CNTNAP2: variants seen among roughly 807,000 people sequenced by gnomAD.
The protein encoded by CNTNAP2 is contactin-associated protein-like 2.
A neutral mutation model predicts 155.2 loss-of-function variants in CNTNAP2; 98 were observed. The ratio of observed to expected loss-of-function variants is 0.63; its 90% CI spans 0.54 to 0.75. The LOEUF (loss-of-function observed/expected upper bound fraction) is 0.75. CNTNAP2 is among the 30% of genes least tolerant of loss of function. CNTNAP2 has a pLI of 0.00. For missense variants in CNTNAP2, 1,727 were observed against 1,688.1 expected (o/e 1.02, Z -0.40); for synonymous variants, 651 against 631.2 (o/e 1.03, Z -0.47).
In CNTNAP2 at chr7:146,774,362, C is replaced by A. The variant is rs778487279; in HGVS notation, c.189C>A (p.Ala63=). 2.5e-6 allele frequency: 4 copies of A among 1,613,498 alleles called. No homozygotes were observed. The Admixed American group carries it at 6.7e-5, about 27-fold the overall frequency. The stretch of plus-strand genomic sequence containing the variant: ...CTGGTAGCTATTCTCCCGGCTATGC[C>A]AAGATAAACAAGAGAGGAGGTAAGC... ...SISGSYSPGY[A]KINKRGGAGG... The change falls in exon 2 of 24, where the codon GCC becomes GCA. Residue 63 remains alanine, a synonymous_variant. Transcript: ENST00000361727.
intron 13 of CNTNAP2, among the ~76,000 whole-genome samples, chr7:147,697,147 C>G (rs761581171): frequency 6.6e-6 from 1 of 152,140 alleles, no homozygotes; most frequent in Non-Finnish European, 1.5e-5. Context: ...CACATTCAGT[C>G]TACTAATTAA....
Position 148,411,053 on chromosome 7 carries a change from G to A in CNTNAP2, c.3796+1582G>A, listed in dbSNP as rs143705385. On this transcript the variant is annotated intron_variant, in intron 23 of 23. Transcript: ENST00000361727. The stretch of plus-strand genomic sequence containing the variant: ...AATGTATCAGAAGATTTAACAAGCT[G>A]TAGCATCTAAAATATTCCAGTGTTT... Among the ~76,000 whole-genome samples, 553 of 152,224 alleles carry A rather than the reference G, an allele frequency of 3.6e-3. 4 individuals are homozygous for A. Among genetic ancestry groups the A allele is most frequent in the African/African-American group, 0.013 (525 of 41,522 alleles).
At chr7:147,070,593 A>G (rs1346660443) in intron 4 of CNTNAP2, among the ~76,000 whole-genome samples, 1 of 152,192 alleles carries the variant, frequency 6.6e-6, no homozygotes, top group African/African-American at 2.4e-5. Flanking sequence ...TTTGATTTCT[A>G]TATAGCCTAC....
At chr7:146,969,085 G>T (rs1361682260) in intron 3 of CNTNAP2, among the ~76,000 whole-genome samples, 3 of 150,222 alleles carry the variant, frequency 2.0e-5, no homozygotes, top group Non-Finnish European at 4.5e-5. Context: ...AGTCATTCAG[G>T]AGCAGGTTGT....
chr7:147,144,259 A>T (rs1457288852), intron 8 of CNTNAP2, among the ~76,000 whole-genome samples: 1 of 152,226 alleles, frequency 6.6e-6, no homozygotes, highest in Admixed American at 6.5e-5. Flanking sequence ...AGAAAAACAT[A>T]AACTTTAGAG....
intron 17 of CNTNAP2, among the ~76,000 whole-genome samples, chr7:148,158,047 C>G (rs1805437621): frequency 6.6e-6 from 1 of 152,062 alleles, no homozygotes; most frequent in African/African-American, 2.4e-5. Flanking sequence ...AGAACCATCT[C>G]CACCTACGAC....
intron 1 of CNTNAP2, among the ~76,000 whole-genome samples, chr7:146,315,387 A>G (rs1195531886): frequency 6.6e-6 from 1 of 152,124 alleles, no homozygotes; most frequent in African/African-American, 2.4e-5. Flanking sequence ...ACCCCTCAGG[A>G]AGAAGCTGGG....
chr7:148,045,067 C>T (rs142764806), intron 15 of CNTNAP2, among the ~76,000 whole-genome samples: 32 of 152,216 alleles, frequency 2.1e-4, no homozygotes, highest in African/African-American at 6.7e-4. Context: ...GTTAGGTTCG[C>T]GTGTGTTGCT....
chr7:146,352,756 T>G (rs1370646729), intron 1 of CNTNAP2, among the ~76,000 whole-genome samples: 1 of 117,762 alleles, frequency 8.5e-6, no homozygotes, highest in Non-Finnish European at 1.7e-5. Context: ...TTCTGTTTTT[T>G]TTTTTTTTTT....
At chr7:147,830,805 G>A (rs1008245828) in intron 13 of CNTNAP2, among the ~76,000 whole-genome samples, 7 of 152,168 alleles carry the variant, frequency 4.6e-5, no homozygotes, top group South Asian at 4.1e-4. Context: ...TGACTGCTAC[G>A]TTACTTTTTC....
chr7:147,080,690 A>C (rs926531042), intron 4 of CNTNAP2, among the ~76,000 whole-genome samples: 1 of 148,162 alleles, frequency 6.7e-6, no homozygotes, highest in Non-Finnish European at 1.5e-5. Context: ...ATATATATCT[A>C]TATATAAAAT....
At chr7:147,351,757 A>G (rs1020881944) in intron 9 of CNTNAP2, among the ~76,000 whole-genome samples, 3 of 151,852 alleles carry the variant, frequency 2.0e-5, no homozygotes, top group African/African-American at 7.2e-5. Context: ...GTTCTATCAC[A>G]AAGAATTATT....
chr7:147,020,150 A>G (rs1007598193), intron 3 of CNTNAP2, among the ~76,000 whole-genome samples: 21 of 152,184 alleles, frequency 1.4e-4, no homozygotes, highest in African/African-American at 4.8e-4. Context: ...GATTTTGCAC[A>G]TATCATAGAT....
At chr7:147,309,244 C>G (rs574102065) in intron 9 of CNTNAP2, among the ~76,000 whole-genome samples, 8 of 152,264 alleles carry the variant, frequency 5.3e-5, no homozygotes, top group Admixed American at 2.0e-4. Context: ...CTTGGTTACC[C>G]TATCTCACTT....
In CNTNAP2 at chr7:147,271,405, T is replaced by C. The variant is rs567955316; in HGVS notation, c.1349-28736T>C. The stretch of plus-strand genomic sequence containing the variant: ...AAAAACTCTCACAGTCTGGTCCAAG[T>C]CCAGTCTTGTTCCCCAGTTCTCCCT... On this transcript the variant is annotated intron_variant, in intron 8 of 23. Transcript: ENST00000361727. 1.7e-3 allele frequency among the ~76,000 whole-genome samples: 262 copies of C among 152,008 alleles called. 2 individuals carry two copies. Among genetic ancestry groups the C allele is most frequent in the Non-Finnish European group, 3.2e-3 (218 of 67,996 alleles).
At chr7:146,215,526 A>G (rs1363993813) in intron 1 of CNTNAP2, among the ~76,000 whole-genome samples, 2 of 152,044 alleles carry the variant, frequency 1.3e-5, no homozygotes, top group Non-Finnish European at 2.9e-5. Flanking sequence ...TTGCCATTTT[A>G]TGGAATTGAT....
chr7:147,020,139 A>T (rs1230443616), intron 3 of CNTNAP2, among the ~76,000 whole-genome samples: 1 of 152,294 alleles, frequency 6.6e-6, no homozygotes, highest in African/African-American at 2.4e-5. Context: ...TGGGAAAAAT[A>T]GATTTTGCAC....
intron 3 of CNTNAP2, among the ~76,000 whole-genome samples, chr7:146,985,986 G>T (rs1798108671): frequency 6.6e-6 from 1 of 151,974 alleles, no homozygotes. Flanking sequence ...ACTTTAGGTT[G>T]CAATTTTTTT....
At chr7:148,295,553 G>T (rs1484405141) in intron 21 of CNTNAP2, among the ~76,000 whole-genome samples, 10 of 145,780 alleles carry the variant, frequency 6.9e-5, no homozygotes, top group Admixed American at 6.8e-4. Flanking sequence ...GTGCTGTGGC[G>T]CAGTCTCGGC....
Sources: allele counts gnomAD v4.1 joint callset (sites outside exome capture counted in the v4.1 genomes callset), GRCh38; gene constraint gnomAD v4.1.1; transcripts MANE v1.5; gene names NCBI Gene and HGNC (gene_info 2026-07-23, HGNC 2026-07-21).